Variants in IQSEC1 observed in about 807,000 individuals in gnomAD.
IQSEC1 encodes the protein IQ motif and SEC7 domain-containing protein 1.
A neutral mutation model predicts 91.0 loss-of-function variants in IQSEC1; 31 were observed. The ratio of observed to expected loss-of-function variants is 0.34; its 90% CI spans 0.26 to 0.46. The LOEUF is 0.46. Ranked by LOEUF, IQSEC1 falls within the 20% of genes least tolerant of loss-of-function variation. IQSEC1 has a pLI of 1.00. For missense variants in IQSEC1, 1,388 were observed against 1,575.6 expected, an observed-to-expected ratio of 0.88 and a Z score of 2.02; for synonymous variants, 699 against 662.6, an observed-to-expected ratio of 1.05 and a Z score of -0.84.
chr3:12,953,141 CA>C (rs1274786888), intron 1 of IQSEC1, among the ~76,000 whole-genome samples: 2 of 152,192 alleles, frequency 1.3e-5, no homozygotes, highest in African/African-American at 4.8e-5. Context: ...CTGAGCAAGC[CA>C]GGGGGAAACA....
intron 1 of IQSEC1, among the ~76,000 whole-genome samples, chr3:13,166,153 C>A (rs1340114348): frequency 2.0e-5 from 3 of 152,262 alleles, no homozygotes; most frequent in Admixed American, 2.0e-4. Flanking sequence ...ACAAGACCAT[C>A]AGCATTTGCT....
At chr3:13,254,106 G>A (rs1013877187) in intron 1 of IQSEC1, among the ~76,000 whole-genome samples, 4 of 152,244 alleles carry the variant, frequency 2.6e-5, no homozygotes, top group Non-Finnish European at 4.4e-5. Context: ...TTGACCTGGA[G>A]GTCCTGGCTG....
chr3:13,202,451 A>G (rs1334141276), intron 1 of IQSEC1, among the ~76,000 whole-genome samples: 1 of 152,198 alleles, frequency 6.6e-6, no homozygotes, highest in African/African-American at 2.4e-5. Flanking sequence ...ACCCATCCTT[A>G]TAGTCAGCCT....
chr3:12,934,132 C>T (rs994426577), intron 3 of IQSEC1, among the ~76,000 whole-genome samples: 5 of 152,202 alleles, frequency 3.3e-5, no homozygotes, highest in African/African-American at 4.8e-5. Context: ...CCCTGTCCAG[C>T]GCATTGCTCC....
At chr3:13,075,445 C>T (rs2125121476), upstream of IQSEC1, among the ~76,000 whole-genome samples, 1 of 152,348 alleles carries the variant, frequency 6.6e-6, no homozygotes, top group Middle Eastern at 3.4e-3. Flanking sequence ...CTTCTCACTT[C>T]CATCTTCCAG....
chr3:13,131,478 C>CTTTTT (rs61345195), intron 2 of IQSEC1, among the ~76,000 whole-genome samples: 4 of 81,710 alleles, frequency 4.9e-5, no homozygotes, highest in African/African-American at 1.4e-4. Context: ...AAATCTATGT[C>CTTTTT]TTTTTTTTTT....
At chr3:13,196,723 C>T (rs987267512) in intron 1 of IQSEC1, among the ~76,000 whole-genome samples, 8 of 151,268 alleles carry the variant, frequency 5.3e-5, no homozygotes, top group Admixed American at 1.3e-4. Flanking sequence ...CTGGCATGCG[C>T]GTGCGTGTGT....
At chr3:13,269,743 C>T (rs765534475) in intron 1 of IQSEC1, among the ~76,000 whole-genome samples, 13 of 152,244 alleles carry the variant, frequency 8.5e-5, no homozygotes, top group Admixed American at 2.0e-4. Context: ...CTGAAACTTC[C>T]GCAGCCTTGA....
In IQSEC1 at chr3:12,936,389, G is replaced by A. The variant is rs147847517; in HGVS notation, c.627C>T (p.Leu209=). ...ECGDLSEPTT[L]KSPAPSSDFA... is the part of the protein sequence containing the mutation. ...AGTCACTGGAGGGGGCCGGAGACTT[G>A]AGGGTGGTGGGCTCGCTGAGGTCAC... The change falls in exon 3 of 14, where the codon CTC becomes CTT. Residue 209 remains leucine, a synonymous_variant. Transcript: ENST00000613206. 52 of 1,595,984 alleles carry A rather than the reference G, an allele frequency of 3.3e-5. No homozygotes were observed. The highest frequency in any genetic ancestry group is 3.9e-5 in the Non-Finnish European group (46 of 1,168,654).
chr3:13,032,250 G>A (rs1240224168), intron 1 of IQSEC1, among the ~76,000 whole-genome samples: 2 of 152,182 alleles, frequency 1.3e-5, no homozygotes, highest in Non-Finnish European at 2.9e-5. Context: ...ACACTGACTC[G>A]GTACTACTCT....
chr3:13,059,353 C>A (rs956567997), intron 1 of IQSEC1, among the ~76,000 whole-genome samples: 3 of 152,218 alleles, frequency 2.0e-5, no homozygotes, highest in Admixed American at 2.0e-4. Context: ...TCTGTGGGCA[C>A]CCTGGGCACC....
intron 2 of IQSEC1, among the ~76,000 whole-genome samples, chr3:13,128,316 C>T (rs761915547): frequency 2.0e-4 from 30 of 152,088 alleles, no homozygotes; most frequent in Non-Finnish European, 4.3e-4. Flanking sequence ...TTGTAGATGT[C>T]CTTTATAAAG....
chr3:13,134,690 G>GTCTA (rs1181454974), intron 2 of IQSEC1, among the ~76,000 whole-genome samples: 1 of 152,228 alleles, frequency 6.6e-6, no homozygotes, highest in Non-Finnish European at 1.5e-5. Flanking sequence ...AGGAAGCAGG[G>GTCTA]TCTACCCAGG....
intron 1 of IQSEC1, among the ~76,000 whole-genome samples, chr3:13,007,840 G>T (rs1223579458): frequency 5.3e-5 from 8 of 152,048 alleles, no homozygotes; most frequent in Non-Finnish European, 1.0e-4. Context: ...CCTGTCTCTG[G>T]GGCCCCACCC....
At chr3:12,971,375 T>A (rs987773950) in intron 1 of IQSEC1, among the ~76,000 whole-genome samples, 2 of 152,208 alleles carry the variant, frequency 1.3e-5, no homozygotes, top group Non-Finnish European at 2.9e-5. Flanking sequence ...CGCCTGCCCA[T>A]GTGCACATAG....
intron 1 of IQSEC1, among the ~76,000 whole-genome samples, chr3:13,272,549 A>C (rs2125146940): frequency 6.6e-6 from 1 of 152,352 alleles, no homozygotes; most frequent in South Asian, 2.1e-4. Context: ...AGTAGGTGCC[A>C]GGGAGGGCAA....
Position 12,922,079 on chromosome 3 carries a change from T to C in IQSEC1, c.1853+41A>G, listed in dbSNP as rs760937664. The C allele has an allele frequency of 6.5e-7, 1 of 1,536,130 alleles. No homozygotes were observed. Among genetic ancestry groups the C allele is most frequent in the East Asian group, 2.4e-5 (1 of 42,092 alleles). On this transcript the variant is annotated intron_variant, in intron 5 of 13. Coordinates refer to ENST00000613206, the MANE Select transcript of IQSEC1 (RefSeq NM_001134382.3). The surrounding 1 kb of genome is among the most constrained non-coding windows in gnomAD (Gnocchi z 5.1). ...CGGGCCCTGAAGCTGGGGGACACCA[T>C]TCTTCCCTGATGCAGCAGCCCCAGC...
intron 3 of IQSEC1, among the ~76,000 whole-genome samples, chr3:12,933,795 A>G (rs1697921021): frequency 1.3e-5 from 2 of 152,272 alleles, no homozygotes; most frequent in Admixed American, 1.3e-4. Flanking sequence ...TGCTGAGTCC[A>G]AGAGGATGTT....
chr3:13,157,196 A>G (rs1159221605), intron 2 of IQSEC1, among the ~76,000 whole-genome samples: 1 of 152,228 alleles, frequency 6.6e-6, no homozygotes, highest in Admixed American at 6.5e-5. Flanking sequence ...AAGGCTTACC[A>G]AATGTATTTT....
Sources: allele counts gnomAD v4.1 joint callset (sites outside exome capture counted in the v4.1 genomes callset), GRCh38; gene constraint gnomAD v4.1.1; non-coding constraint Gnocchi (gnomAD v3.1); transcripts MANE v1.5; gene names NCBI Gene and HGNC (gene_info 2026-07-23, HGNC 2026-07-21).